The following ZC2HC1A variants were observed in gnomAD, a reference collection of about 807,000 sequenced individuals.
ZC2HC1A encodes the protein zinc finger C2HC domain-containing protein 1A.
ZC2HC1A carries 28 observed loss-of-function variants against 40.7 expected under a neutral mutation model. That is an observed-to-expected ratio of 0.69 (90% confidence interval 0.51 to 0.94). The LOEUF is 0.94. ZC2HC1A is among the 40% of genes least tolerant of loss of function. ZC2HC1A has a pLI of 0.00. For missense variants in ZC2HC1A, 389 were observed against 386.3 expected (o/e 1.01, Z -0.06); for synonymous variants, 129 against 129.2 (o/e 1.00, Z 0.01).
intron 1 of ZC2HC1A, among the ~76,000 whole-genome samples, chr8:78,673,630 C>G (rs1269557565): frequency 6.6e-6 from 1 of 151,982 alleles, no homozygotes; most frequent in Non-Finnish European, 1.5e-5. Flanking sequence ...AGATGGTATT[C>G]TGTTTTAGAG....
chr8:78,710,956 A>G (rs1182826378), intron 7 of ZC2HC1A, among the ~76,000 whole-genome samples: 2 of 152,116 alleles, frequency 1.3e-5, no homozygotes. Context: ...AATCTAGGAA[A>G]ATGAACACAT....
At chr8:78,667,098 G>A (rs1001416657) in intron 1 of ZC2HC1A, among the ~76,000 whole-genome samples, 6 of 152,234 alleles carry the variant, frequency 3.9e-5, no homozygotes, top group African/African-American at 1.4e-4. Flanking sequence ...AGAATGAGCA[G>A]AAGCTTTTGA....
At chr8:78,712,411 G>T (rs1026689214) in intron 7 of ZC2HC1A, among the ~76,000 whole-genome samples, 2 of 151,648 alleles carry the variant, frequency 1.3e-5, no homozygotes, top group African/African-American at 2.4e-5. Flanking sequence ...AGTAATTAGG[G>T]TTTTTTGTAA....
chr8:78,709,932 A>T (rs548627216), intron 7 of ZC2HC1A, among the ~76,000 whole-genome samples: 1 of 152,120 alleles, frequency 6.6e-6, no homozygotes, highest in African/African-American at 2.4e-5. Context: ...TCTTTTTGTT[A>T]TATCTCAATC....
intron 5 of ZC2HC1A, among the ~76,000 whole-genome samples, chr8:78,693,015 A>G (rs1205075934): frequency 6.6e-6 from 1 of 151,876 alleles, no homozygotes; most frequent in African/African-American, 2.4e-5. Context: ...GTTTGCTGAG[A>G]ATGATGGTTT....
chr8:78,709,017 A>C (rs1026191691), intron 7 of ZC2HC1A, among the ~76,000 whole-genome samples: 2 of 152,214 alleles, frequency 1.3e-5, no homozygotes, highest in Admixed American at 1.3e-4. Flanking sequence ...AGTGAAACAC[A>C]GATCTTTTAA....
At position 78,682,338 on chromosome 8, in the gene ZC2HC1A, G is replaced by A. The variant is rs115649764; in HGVS notation, c.210+3659G>A. ...TTTCCTACTGCTATTAAGAAATATCGGAGACTGGGTAATTTATAAAGAAAA... is the reference window on the plus strand; with the variant it reads ...TTTCCTACTGCTATTAAGAAATATCAGAGACTGGGTAATTTATAAAGAAAA... On this transcript the variant is annotated intron_variant, in intron 3 of 8. Transcript: ENST00000263849. 6.2e-3 allele frequency among the ~76,000 whole-genome samples: 947 copies of A among 151,978 alleles called. 12 individuals are homozygous for A. Among genetic ancestry groups the A allele is most frequent in the African/African-American group, 0.021 (884 of 41,326 alleles).
At chr8:78,672,195 T>C (rs1169838991) in intron 1 of ZC2HC1A, among the ~76,000 whole-genome samples, 2 of 152,154 alleles carry the variant, frequency 1.3e-5, no homozygotes, top group Non-Finnish European at 2.9e-5. Flanking sequence ...TTTATCATGA[T>C]CTGGGTAGAA....
chr8:78,690,117 A>G (rs1464074826), intron 5 of ZC2HC1A, among the ~76,000 whole-genome samples: 1 of 152,222 alleles, frequency 6.6e-6, no homozygotes, highest in East Asian at 1.9e-4. Flanking sequence ...ATATAAATGT[A>G]TGGGTTTATT....
chr8:78,700,560 T>C lies in ZC2HC1A; in HGVS notation c.704+2047T>C, dbSNP rs377428746. Among the ~76,000 whole-genome samples the C allele has an allele frequency of 6.6e-5, 10 of 152,330 alleles. No individual in the cohort carries two copies. The South Asian group carries it at 2.1e-3, about 32-fold the overall frequency. Reference sequence around the variant, plus strand: ...TTTTGTTGCAATTGCTTTTGGCATCTTCATTATAAAATCTTTGCTGCTGCC... The same window carrying C: ...TTTTGTTGCAATTGCTTTTGGCATCCTCATTATAAAATCTTTGCTGCTGCC... On this transcript the variant is annotated intron_variant, in intron 7 of 8. Transcript: ENST00000263849.
intron 8 of ZC2HC1A, among the ~76,000 whole-genome samples, chr8:78,716,499 A>G (rs748476712): frequency 6.6e-6 from 1 of 152,166 alleles, no homozygotes; most frequent in Non-Finnish European, 1.5e-5. Context: ...TTGCATCACA[A>G]TAATTTAATA....
At chr8:78,714,478 A>G (rs1811037966) in intron 7 of ZC2HC1A, among the ~76,000 whole-genome samples, 1 of 152,184 alleles carries the variant, frequency 6.6e-6, no homozygotes, top group African/African-American at 2.4e-5. Flanking sequence ...ATAAGTGATC[A>G]TTTTATAAAT....
Position 78,697,517 on chromosome 8 carries a change from C to T in ZC2HC1A, c.604+11C>T. On this transcript the variant is annotated intron_variant, in intron 6 of 8. Transcript: ENST00000263849. ...GCAAAACTGTTGTAGGTAATGATAG[C>T]CGAAAAGCAACTTGATTTGTTTTTG... is the stretch of plus-strand genomic sequence containing the variant. 6.3e-7 allele frequency: 1 copy of T among 1,596,174 alleles called. No homozygotes were observed.
At chr8:78,716,990 G>A (rs1245843458) in intron 8 of ZC2HC1A, among the ~76,000 whole-genome samples, 3 of 151,876 alleles carry the variant, frequency 2.0e-5, no homozygotes, top group Non-Finnish European at 4.4e-5. Flanking sequence ...CAAGCTTTCT[G>A]TACAGCCTGC....
chr8:78,699,845 A>G (rs906669244), intron 7 of ZC2HC1A, among the ~76,000 whole-genome samples: 1 of 152,116 alleles, frequency 6.6e-6, no homozygotes, highest in African/African-American at 2.4e-5. Context: ...TTTATGTACT[A>G]TATTTTCTTT....
At chr8:78,714,255 C>G (rs1460477424) in intron 7 of ZC2HC1A, among the ~76,000 whole-genome samples, 1 of 151,990 alleles carries the variant, frequency 6.6e-6, no homozygotes, top group Admixed American at 6.6e-5. Context: ...CCTCATTTGT[C>G]TTATCTGTAA....
At position 78,689,268 on chromosome 8, in the gene ZC2HC1A, A is replaced by G; in HGVS notation, c.399A>G (p.Ala133=). The change falls in exon 5 of 9, where the codon GCA becomes GCG. Residue 133 remains alanine (A), a synonymous_variant. Transcript: ENST00000263849. Reference sequence around the variant, plus strand: ...GTCAGAGGAGATTCAATGAAAATGCAGCTGATAGACATATAAATTTCTGTA... The same window carrying G: ...GTCAGAGGAGATTCAATGAAAATGCGGCTGATAGACATATAAATTTCTGTA... ...PYCQRRFNEN[A]ADRHINFCKE... 6.3e-7 allele frequency: 1 copy of G among 1,593,010 alleles called. No individual in the cohort carries two copies. Among genetic ancestry groups the G allele is most frequent in the Non-Finnish European group, 8.5e-7 (1 of 1,169,732 alleles).
intron 1 of ZC2HC1A, among the ~76,000 whole-genome samples, chr8:78,671,672 A>AG (rs56120172): frequency 0.74 from 112,869 of 151,958 alleles, 42,981 homozygotes; most frequent in East Asian, 0.91. Context: ...CTATATGATT[A>AG]TCATATATTT....
chr8:78,706,236 G>C (rs1410496174), intron 7 of ZC2HC1A, among the ~76,000 whole-genome samples: 1 of 152,156 alleles, frequency 6.6e-6, no homozygotes, highest in Non-Finnish European at 1.5e-5. Flanking sequence ...ATCCTGTGAG[G>C]TGTTATGAAA....
Sources: allele counts gnomAD v4.1 joint callset (sites outside exome capture counted in the v4.1 genomes callset), GRCh38; gene constraint gnomAD v4.1.1; transcripts MANE v1.5; gene names NCBI Gene and HGNC (gene_info 2026-07-23, HGNC 2026-07-21).